GRID2: variants seen among roughly 807,000 people sequenced by gnomAD.
The protein encoded by GRID2 is glutamate receptor ionotropic, delta-2.
In GRID2, 33 loss-of-function variants were observed where a neutral mutation model predicts 114.8. The ratio of observed to expected loss-of-function variants is 0.29; its 90% CI spans 0.22 to 0.38. The LOEUF is 0.38. Among genes scored for constraint, GRID2 ranks in the 10% least tolerant of loss-of-function variants. The pLI is 1.00. For missense variants in GRID2, 1,184 were observed against 1,257.7 expected, an observed-to-expected ratio of 0.94 and a Z score of 0.89; for synonymous variants, 505 against 449.9, an observed-to-expected ratio of 1.12 and a Z score of -1.55.
At chr4:93,674,240 A>C (rs936761353) in intron 14 of GRID2, among the ~76,000 whole-genome samples, 2 of 152,058 alleles carry the variant, frequency 1.3e-5, no homozygotes, top group Admixed American at 6.6e-5. Context: ...CTGTCCACTA[A>C]TACTCGTGAG....
chr4:92,386,133 A>C (rs1729950660), intron 1 of GRID2, among the ~76,000 whole-genome samples: 1 of 151,624 alleles, frequency 6.6e-6, no homozygotes, highest in African/African-American at 2.4e-5. Flanking sequence ...GTAACATTGT[A>C]TTCTGAATGG....
chr4:93,709,448 A>T (rs1728295630), intron 14 of GRID2, among the ~76,000 whole-genome samples: 1 of 152,106 alleles, frequency 6.6e-6, no homozygotes, highest in African/African-American at 2.4e-5. Flanking sequence ...GTGAAACCAG[A>T]TGTATTGGAG....
intron 2 of GRID2, among the ~76,000 whole-genome samples, chr4:92,673,522 A>T (rs944657830): frequency 7.9e-5 from 12 of 152,114 alleles, no homozygotes; most frequent in Admixed American, 5.2e-4. Context: ...ACGCTTAAGG[A>T]GTTTTTAAAA....
chr4:93,353,533 A>C (rs1211155664), intron 8 of GRID2, among the ~76,000 whole-genome samples: 1 of 152,042 alleles, frequency 6.6e-6, no homozygotes, highest in East Asian at 1.9e-4. Flanking sequence ...ATAAAGAAGA[A>C]AATGGGCATC....
intron 9 of GRID2, among the ~76,000 whole-genome samples, chr4:93,408,578 T>C (rs940260939): frequency 1.3e-5 from 2 of 152,164 alleles, no homozygotes; most frequent in Admixed American, 6.5e-5. Flanking sequence ...GTGCTAATAA[T>C]TAATTCAGTA....
chr4:92,773,754 T>G (rs1016314503), intron 2 of GRID2, among the ~76,000 whole-genome samples: 2 of 152,056 alleles, frequency 1.3e-5, no homozygotes, highest in African/African-American at 4.8e-5. Context: ...ACTATATCCC[T>G]TAGCAATCAT....
intron 2 of GRID2, among the ~76,000 whole-genome samples, chr4:92,842,723 A>G (rs933515804): frequency 2.0e-5 from 3 of 152,080 alleles, no homozygotes; most frequent in Non-Finnish European, 2.9e-5. Flanking sequence ...GAAGAAAAAG[A>G]TGAAAAACAA....
chr4:93,287,443 A>C (rs2149138341), intron 8 of GRID2, among the ~76,000 whole-genome samples: 1 of 152,218 alleles, frequency 6.6e-6, no homozygotes, highest in Admixed American at 6.5e-5. Context: ...AGTCAGACAA[A>C]CCCTCAAAAA....
At chr4:93,163,615 G>C (rs1004482023) in intron 4 of GRID2, among the ~76,000 whole-genome samples, 10 of 150,232 alleles carry the variant, frequency 6.7e-5, no homozygotes, top group South Asian at 2.1e-4. Flanking sequence ...TAAAAAAAGA[G>C]AAGTAGTTCA....
chr4:92,773,951 T>G (rs1392841937), intron 2 of GRID2, among the ~76,000 whole-genome samples: 2 of 152,158 alleles, frequency 1.3e-5, no homozygotes, highest in African/African-American at 4.8e-5. Flanking sequence ...TGCTTTTAAG[T>G]GCAAAAGACA....
intron 14 of GRID2, among the ~76,000 whole-genome samples, chr4:93,685,739 G>A (rs550652836): frequency 6.6e-6 from 1 of 152,076 alleles, no homozygotes; most frequent in East Asian, 1.9e-4. Context: ...CCAAGTTTTA[G>A]ACACTTATAT....
At chr4:92,763,742 T>C (rs1205107381) in intron 2 of GRID2, among the ~76,000 whole-genome samples, 1 of 152,114 alleles carries the variant, frequency 6.6e-6, no homozygotes, top group African/African-American at 2.4e-5. Context: ...ATAGGGTTAT[T>C]TGAGGTTAAT....
intron 2 of GRID2, among the ~76,000 whole-genome samples, chr4:92,628,578 G>A (rs1560498298): frequency 6.6e-6 from 1 of 152,048 alleles, no homozygotes; most frequent in Admixed American, 6.6e-5. Context: ...GGCTGGTCTC[G>A]AACTCCTGAG....
chr4:93,613,917 G>GC lies in GRID2; in HGVS notation c.2194-12350dup, dbSNP rs1741278622. ...CGGGCGCCCCTCCCCCAGCCTAGTT[G>GC]CCGCCTTGCAGTTTGATCTCAGACT... On this transcript the variant is annotated intron_variant, in intron 13 of 15. Coordinates refer to ENST00000282020, the MANE Select transcript of GRID2 (RefSeq NM_001510.4). Among the ~76,000 whole-genome samples, 18 of 151,636 alleles carry GC rather than the reference G, an allele frequency of 1.2e-4. No homozygotes were observed. In the South Asian group the frequency reaches 3.8e-3, roughly 32 times the overall value.
intron 13 of GRID2, among the ~76,000 whole-genome samples, chr4:93,571,262 C>A (rs924589628): frequency 2.0e-5 from 3 of 151,962 alleles, no homozygotes; most frequent in African/African-American, 7.2e-5. Flanking sequence ...TCTGTTTCAT[C>A]TTGAAATCTC....
intron 2 of GRID2, among the ~76,000 whole-genome samples, chr4:92,619,000 T>A (rs2149236501): frequency 6.6e-6 from 1 of 151,834 alleles, no homozygotes; most frequent in Admixed American, 6.6e-5. Context: ...CCAATTTGGA[T>A]GCCGTTTATT....
intron 8 of GRID2, among the ~76,000 whole-genome samples, chr4:93,296,292 A>G (rs988969379): frequency 6.6e-6 from 1 of 151,442 alleles, no homozygotes; most frequent in African/African-American, 2.4e-5. Context: ...GGATTTACGG[A>G]TCCCCCCCTC....
At chr4:92,445,381 C>A (rs1456644953) in intron 1 of GRID2, among the ~76,000 whole-genome samples, 3 of 152,142 alleles carry the variant, frequency 2.0e-5, no homozygotes, top group African/African-American at 7.2e-5. Context: ...AAGGATGATG[C>A]CTTCCAGTGA....
chr4:93,040,468 C>A (rs563978515), intron 2 of GRID2, among the ~76,000 whole-genome samples: 1 of 152,172 alleles, frequency 6.6e-6, no homozygotes, highest in South Asian at 2.1e-4. Flanking sequence ...CAGAAGTATA[C>A]TGTAAAGTGT....
Sources: gnomAD v4.1 joint callset for allele counts (sites outside exome capture counted in the v4.1 genomes callset) on GRCh38, gnomAD v4.1.1 for gene constraint, MANE v1.5 for transcripts, NCBI Gene and HGNC (gene_info 2026-07-23, HGNC 2026-07-21) for gene names.